The following SORCS2 variants were observed in gnomAD, a reference collection of about 807,000 sequenced individuals.
SORCS2 encodes VPS10 domain-containing receptor SorCS2.
A neutral mutation model predicts 141.6 loss-of-function variants in SORCS2; 100 were observed. The observed-to-expected ratio is 0.71, with a 90% confidence interval of 0.60 to 0.83. The LOEUF (loss-of-function observed/expected upper bound fraction) is 0.83. Among genes scored for constraint, SORCS2 ranks in the 40% least tolerant of loss-of-function variants. The pLI is 0.00. For synonymous variants in SORCS2, 789 were observed against 676.9 expected (o/e 1.17, Z -2.57); for missense variants, 1,646 against 1,560.2 (o/e 1.05, Z -0.93).
chr4:7,255,486 G>A (rs930948241), intron 1 of SORCS2, among the ~76,000 whole-genome samples: 4 of 152,142 alleles, frequency 2.6e-5, no homozygotes, highest in African/African-American at 9.7e-5. Context: ...GGGTGTGCTG[G>A]GGAGGCGGCT....
intron 3 of SORCS2, among the ~76,000 whole-genome samples, chr4:7,630,818 G>T (rs1450668789): frequency 6.6e-6 from 1 of 152,184 alleles, no homozygotes; most frequent in African/African-American, 2.4e-5. Context: ...TGTACCCTGA[G>T]CTGGGTGCAT....
intron 1 of SORCS2, among the ~76,000 whole-genome samples, chr4:7,356,032 C>T (rs565837957): frequency 9.2e-5 from 14 of 152,334 alleles, no homozygotes; most frequent in South Asian, 4.1e-4. Flanking sequence ...GAGATGTCCA[C>T]GCTTGTTGCT....
chr4:7,283,564 A>C (rs1716022073), intron 1 of SORCS2, among the ~76,000 whole-genome samples: 1 of 151,946 alleles, frequency 6.6e-6, no homozygotes, highest in Non-Finnish European at 1.5e-5. Flanking sequence ...GTGTTCCCCT[A>C]CTCTGGGGTC....
At chr4:7,268,183 C>T (rs1395430111) in intron 1 of SORCS2, among the ~76,000 whole-genome samples, 1 of 152,180 alleles carries the variant, frequency 6.6e-6, no homozygotes, top group Non-Finnish European at 1.5e-5. Flanking sequence ...GGGCTGAATT[C>T]ATTGCATCTG....
chr4:7,207,198 A>G (rs1487450064), intron 1 of SORCS2, among the ~76,000 whole-genome samples: 1 of 152,150 alleles, frequency 6.6e-6, no homozygotes, highest in African/African-American at 2.4e-5. Flanking sequence ...CTTTGTCCAC[A>G]TGTGGGGCCT....
At chr4:7,667,752 G>A (rs974862475) in intron 8 of SORCS2, among the ~76,000 whole-genome samples, 2 of 152,218 alleles carry the variant, frequency 1.3e-5, no homozygotes, top group Admixed American at 6.5e-5. Flanking sequence ...GCCTTAGAAG[G>A]CGAAGAAGGG....
At chr4:7,719,051 G>A (rs1454625333) in intron 18 of SORCS2, among the ~76,000 whole-genome samples, 1 of 152,230 alleles carries the variant, frequency 6.6e-6, no homozygotes, top group Non-Finnish European at 1.5e-5. Context: ...TGTCGCACCC[G>A]GAGGGTGAGC....
intron 8 of SORCS2, among the ~76,000 whole-genome samples, chr4:7,668,755 C>T (rs1214317559): frequency 6.6e-6 from 1 of 152,202 alleles, no homozygotes; most frequent in Non-Finnish European, 1.5e-5. Context: ...GTGTCTGTCC[C>T]TCTGAGGTGA....
At position 7,718,044 on chromosome 4, in the gene SORCS2, G is replaced by A. The variant is rs1458989309; in HGVS notation, c.2285G>A (p.Gly762Asp). 1 of 1,608,512 alleles carries A rather than the reference G, an allele frequency of 6.2e-7. No homozygotes were observed. The highest frequency in any genetic ancestry group is 8.5e-7 in the Non-Finnish European group (1 of 1,177,510). Residue 762 changes from glycine (G) to aspartate (D), a missense_variant, in exon 18 of 27, where the codon GGT becomes GAT. Transcript: ENST00000507866. ...YRKVVSNVCE[G>D]GVDMQQSQVQ... ...AAAGTGGTGTCCAACGTGTGTGAGG[G>A]TGGGGTGGACATGCAGCAGAGTCAG... is the stretch of plus-strand genomic sequence containing the variant.
chr4:7,304,772 A>G (rs565444917), intron 1 of SORCS2, among the ~76,000 whole-genome samples: 157 of 151,110 alleles, frequency 1.0e-3, no homozygotes, highest in Non-Finnish European at 1.6e-3. Context: ...GGGGGGCCTC[A>G]GCCCTGTAGC....
chr4:7,649,358 G>A (rs568443119), intron 4 of SORCS2, among the ~76,000 whole-genome samples: 1 of 151,424 alleles, frequency 6.6e-6, no homozygotes, highest in African/African-American at 2.4e-5. Flanking sequence ...ATGGTATCGG[G>A]GGGGCTGTGT....
intron 1 of SORCS2, among the ~76,000 whole-genome samples, chr4:7,303,558 G>A (rs912432508): frequency 2.0e-5 from 3 of 152,162 alleles, no homozygotes; most frequent in Admixed American, 6.5e-5. Flanking sequence ...CTTGAGTGAC[G>A]TAGGGCTTAA....
At chr4:7,409,924 T>C (rs114903156) in intron 2 of SORCS2, among the ~76,000 whole-genome samples, 3 of 152,354 alleles carry the variant, frequency 2.0e-5, no homozygotes, top group African/African-American at 7.2e-5. Flanking sequence ...TGTTTTTTTC[T>C]GTCTTTTAAT....
At chr4:7,655,084 A>G (rs769500678) in intron 5 of SORCS2, among the ~76,000 whole-genome samples, 3 of 152,172 alleles carry the variant, frequency 2.0e-5, no homozygotes, top group Non-Finnish European at 4.4e-5. Context: ...AGCCGTTCAG[A>G]ACTCAGGCCT....
intron 3 of SORCS2, among the ~76,000 whole-genome samples, chr4:7,579,805 C>A (rs2108756444): frequency 6.6e-6 from 1 of 152,262 alleles, no homozygotes; most frequent in South Asian, 2.1e-4. Flanking sequence ...GGGCTCCTAG[C>A]ACGTCAAGAC....
intron 3 of SORCS2, among the ~76,000 whole-genome samples, chr4:7,543,707 TCCAC>T (rs374367606): frequency 0.013 from 617 of 49,152 alleles, 67 homozygotes; most frequent in Middle Eastern, 0.06. Flanking sequence ...CATCCATCCA[TCCAC>T]CCATCCACCC....
At chr4:7,722,248 C>T (rs956613794) in intron 18 of SORCS2, among the ~76,000 whole-genome samples, 4 of 152,166 alleles carry the variant, frequency 2.6e-5, no homozygotes, top group East Asian at 1.9e-4. Context: ...CACTTCCCTC[C>T]GTGGAAGCAG....
intron 1 of SORCS2, among the ~76,000 whole-genome samples, chr4:7,205,780 C>T (rs1017780498): frequency 3.3e-5 from 5 of 152,218 alleles, no homozygotes; most frequent in Admixed American, 1.3e-4. Context: ...CGGTGGCTCA[C>T]GCCCGGAATC....
chr4:7,597,028 T>C (rs1717315902), intron 3 of SORCS2, among the ~76,000 whole-genome samples: 1 of 152,042 alleles, frequency 6.6e-6, no homozygotes, highest in Admixed American at 6.6e-5. Flanking sequence ...GCCACCTCTC[T>C]GTGCCTGGGG....
Sources: allele counts gnomAD v4.1 joint callset (sites outside exome capture counted in the v4.1 genomes callset), GRCh38; gene constraint gnomAD v4.1.1; transcripts MANE v1.5; gene names NCBI Gene and HGNC (gene_info 2026-07-23, HGNC 2026-07-21).